The following CYTH3 variants were observed in gnomAD, a reference collection of about 807,000 sequenced individuals.
CYTH3 encodes the protein cytohesin-3.
In CYTH3, 23 loss-of-function variants were observed where a neutral mutation model predicts 55.1. That is an observed-to-expected ratio of 0.42 (90% CI 0.30 to 0.59). The LOEUF is 0.59. Ranked by LOEUF, CYTH3 falls within the 20% of genes least tolerant of loss-of-function variation. The probability of loss-of-function intolerance (pLI) is 0.20; values close to 1 mark genes in which losing one functional copy is unlikely to be tolerated. For missense variants in CYTH3, 413 were observed against 524.8 expected (o/e 0.79, Z 2.08); for synonymous variants, 249 against 194.9 (o/e 1.28, Z -2.31).
At chr7:6,200,141 A>G (rs1027312751) in intron 1 of CYTH3, among the ~76,000 whole-genome samples, 1 of 152,218 alleles carries the variant, frequency 6.6e-6, no homozygotes, top group Non-Finnish European at 1.5e-5. Flanking sequence ...TACTCATATT[A>G]AAAAATAAGC....
At chr7:6,235,589 A>C (rs1243087528) in intron 1 of CYTH3, among the ~76,000 whole-genome samples, 1 of 152,114 alleles carries the variant, frequency 6.6e-6, no homozygotes, top group African/African-American at 2.4e-5. Flanking sequence ...GTCCTGCCTA[A>C]CTCCGTACTT....
chr7:6,257,580 G>C (rs927828045), intron 1 of CYTH3, among the ~76,000 whole-genome samples: 15 of 152,196 alleles, frequency 9.9e-5, no homozygotes, highest in African/African-American at 2.7e-4. Flanking sequence ...TAAAAGGGGA[G>C]AAAGTGTTAG....
chr7:6,241,704 T>C (rs1583189757), intron 1 of CYTH3, among the ~76,000 whole-genome samples: 3 of 152,016 alleles, frequency 2.0e-5, no homozygotes, highest in African/African-American at 2.4e-5. Context: ...TGGAATACTA[T>C]AGAGCTGTTT....
rs535600409 is a variant in CYTH3, at chr7:6,183,265, G to A, written c.249+3785C>T. The stretch of plus-strand genomic sequence containing the variant: ...CTCTGAAGCTGCTCTTGCCGCCCCC[G>A]GCAGTTCTTTCTTGTATGTGCTGTG... On this transcript the variant is annotated intron_variant, in intron 4 of 12. Coordinates refer to ENST00000350796, the MANE Select transcript of CYTH3 (RefSeq NM_004227.4). 5.3e-5 allele frequency among the ~76,000 whole-genome samples: 8 copies of A among 152,326 alleles called. No homozygotes were observed. In the South Asian group the frequency reaches 1.2e-3, roughly 24 times the overall value.
chr7:6,235,748 A>C lies in CYTH3; in HGVS notation c.34+36726T>G, dbSNP rs1268010479. Among the ~76,000 whole-genome samples the C allele has an allele frequency of 2.0e-5, 3 of 152,290 alleles. No individual in the cohort carries two copies. The East Asian group carries it at 5.8e-4, about 29-fold the overall frequency. On this transcript the variant is annotated intron_variant, in intron 1 of 12. Coordinates refer to ENST00000350796, the MANE Select transcript of CYTH3 (RefSeq NM_004227.4). Reference sequence around the variant, plus strand: ...ATTTACAATTTTTTCTAGTCTTGGAAATCAAGCAAATTATAAAGCCATTAG... The same window carrying C: ...ATTTACAATTTTTTCTAGTCTTGGACATCAAGCAAATTATAAAGCCATTAG...
chr7:6,189,731 G>A (rs771705887), intron 2 of CYTH3, among the ~76,000 whole-genome samples: 39 of 151,926 alleles, frequency 2.6e-4, no homozygotes, highest in Non-Finnish European at 3.8e-4. Context: ...AATGTTCTAG[G>A]TGCTAGAACA....
At chr7:6,265,359 T>C (rs576947176) in intron 1 of CYTH3, among the ~76,000 whole-genome samples, 4 of 151,700 alleles carry the variant, frequency 2.6e-5, no homozygotes, top group South Asian at 2.1e-4. Flanking sequence ...ATGCCTGTAA[T>C]CCCAGCACTT....
At chr7:6,191,229 C>T (rs979771298) in intron 1 of CYTH3, among the ~76,000 whole-genome samples, 1 of 152,106 alleles carries the variant, frequency 6.6e-6, no homozygotes, top group Admixed American at 6.6e-5. Context: ...AGGAGGATCG[C>T]TTGAGCCCAG....
chr7:6,184,136 C>G (rs927300516), intron 4 of CYTH3, among the ~76,000 whole-genome samples: 1 of 124,352 alleles, frequency 8.0e-6, no homozygotes, highest in East Asian at 2.8e-4. Flanking sequence ...TCTCGGCTTA[C>G]TGCAAGCTCC....
intron 1 of CYTH3, among the ~76,000 whole-genome samples, chr7:6,224,870 T>A (rs1779201005): frequency 6.6e-6 from 1 of 152,186 alleles, no homozygotes; most frequent in African/African-American, 2.4e-5. Context: ...GATATTCAGA[T>A]AAGAATAAAC....
chr7:6,264,133 G>C (rs1192801173), intron 1 of CYTH3, among the ~76,000 whole-genome samples: 1 of 152,080 alleles, frequency 6.6e-6, no homozygotes, highest in Non-Finnish European at 1.5e-5. Context: ...TGTAATCCCA[G>C]CTACTCAGGA....
chr7:6,195,084 A>G (rs1163625140), intron 1 of CYTH3, among the ~76,000 whole-genome samples: 1 of 152,202 alleles, frequency 6.6e-6, no homozygotes, highest in Non-Finnish European at 1.5e-5. Context: ...GTCATCTGAA[A>G]CCAAAAAGCT....
intron 1 of CYTH3, 64 bp downstream of exon 1, chr7:6,272,410 G>GGGGGGGGGGGCC: frequency 4.9e-6 from 6 of 1,216,604 alleles, no homozygotes; most frequent in Non-Finnish European, 5.3e-6. Flanking sequence ...CCGCGCCCTC[G>GGGGGGGGGGGCC]ACCCCCAGCC....
chr7:6,259,124 T>G (rs1456296275), intron 1 of CYTH3, among the ~76,000 whole-genome samples: 2 of 152,218 alleles, frequency 1.3e-5, no homozygotes, highest in Non-Finnish European at 2.9e-5. Context: ...TATGTTCTCA[T>G]GAAAGTGAAT....
At chr7:6,253,476 T>C (rs1780023480) in intron 1 of CYTH3, among the ~76,000 whole-genome samples, 5 of 151,926 alleles carry the variant, frequency 3.3e-5, no homozygotes, top group Admixed American at 3.3e-4. Context: ...CTCAAAGTGC[T>C]GAAATTACCA....
In CYTH3 at chr7:6,261,069, G is replaced by C. The variant is rs73058686; in HGVS notation, c.34+11405C>G. On this transcript the variant is annotated intron_variant, in intron 1 of 12. Coordinates refer to ENST00000350796, the MANE Select transcript of CYTH3 (RefSeq NM_004227.4). The stretch of plus-strand genomic sequence containing the variant: ...AATTATTAGAAACAACTGTTTGAAG[G>C]CATCAGAGAGCTACCCATGCAGTGA... 2.6e-3 allele frequency among the ~76,000 whole-genome samples: 389 copies of C among 152,304 alleles called. 2 individuals carry two copies. The highest frequency in any genetic ancestry group is 4.2e-3 in the Non-Finnish European group (285 of 68,038).
At chr7:6,271,113 CT>C (rs1249138602) in intron 1 of CYTH3, among the ~76,000 whole-genome samples, 1 of 152,154 alleles carries the variant, frequency 6.6e-6, no homozygotes, top group African/African-American at 2.4e-5. Context: ...GACAGCCTGA[CT>C]GTAGGAGGGT....
At chr7:6,218,142 A>T (rs1031769164) in intron 1 of CYTH3, among the ~76,000 whole-genome samples, 5 of 152,150 alleles carry the variant, frequency 3.3e-5, no homozygotes, top group African/African-American at 1.2e-4. Context: ...ATCACACCAC[A>T]CTCCAGCCTG....
At chr7:6,264,368 T>C (rs1162515249) in intron 1 of CYTH3, among the ~76,000 whole-genome samples, 2 of 152,168 alleles carry the variant, frequency 1.3e-5, no homozygotes, top group Non-Finnish European at 2.9e-5. Context: ...TCCAAGCACT[T>C]TGGGAGGCCA....
Sources: gnomAD v4.1 joint callset for allele counts (sites outside exome capture counted in the v4.1 genomes callset) on GRCh38, gnomAD v4.1.1 for gene constraint, MANE v1.5 for transcripts, NCBI Gene and HGNC (gene_info 2026-07-23, HGNC 2026-07-21) for gene names.